The following CRPPA variants were observed in gnomAD, a reference collection of about 807,000 sequenced individuals.
CRPPA encodes the protein CDP-L-ribitol pyrophosphorylase A.
A neutral mutation model predicts 52.0 loss-of-function variants in CRPPA; 43 were observed. That is an observed-to-expected ratio of 0.83 (90% confidence interval 0.65 to 1.07). The LOEUF is 1.07. CRPPA is among the 50% of genes least tolerant of loss of function. CRPPA has a pLI of 0.00. For missense variants in CRPPA, 629 were observed against 551.7 expected (o/e 1.14, Z -1.40); for synonymous variants, 250 against 203.5 (o/e 1.23, Z -1.94).
chr7:16,343,544 T>C (rs2526600), intron 3 of CRPPA, among the ~76,000 whole-genome samples: 55,004 of 151,992 alleles, frequency 0.36, 10,185 homozygotes, highest in Admixed American at 0.44. Flanking sequence ...TTTTAGTTGA[T>C]CTGACTCAGT....
At chr7:16,184,857 T>C (rs1440233529) in intron 9 of CRPPA, among the ~76,000 whole-genome samples, 1 of 152,200 alleles carries the variant, frequency 6.6e-6, no homozygotes, top group Non-Finnish European at 1.5e-5. Context: ...TAATCGTCGT[T>C]AGTGATTTTT....
intron 9 of CRPPA, among the ~76,000 whole-genome samples, chr7:16,106,283 A>T (rs1346644041): frequency 6.6e-6 from 1 of 152,168 alleles, no homozygotes; most frequent in Non-Finnish European, 1.5e-5. Context: ...TCAACCACGC[A>T]TTTCTAAAGA....
intron 6 of CRPPA, among the ~76,000 whole-genome samples, chr7:16,263,685 G>C (rs1258659819): frequency 6.6e-6 from 1 of 152,038 alleles, no homozygotes; most frequent in African/African-American, 2.4e-5. Context: ...CTGGGAGGCA[G>C]AGGTTGCAGT....
At chr7:16,219,041 A>G (rs1000532533) in intron 8 of CRPPA, among the ~76,000 whole-genome samples, 4 of 152,222 alleles carry the variant, frequency 2.6e-5, no homozygotes, top group Non-Finnish European at 4.4e-5. Context: ...CATACTTGGA[A>G]GTAAGGCTCT....
intron 3 of CRPPA, among the ~76,000 whole-genome samples, chr7:16,349,957 G>C (rs1027410083): frequency 1.3e-5 from 2 of 152,056 alleles, no homozygotes; most frequent in African/African-American, 4.8e-5. Context: ...AGAAATATCA[G>C]AATCAGATGG....
chr7:16,297,813 C>T (rs1199289340), intron 5 of CRPPA, among the ~76,000 whole-genome samples: 2 of 152,196 alleles, frequency 1.3e-5, no homozygotes, highest in African/African-American at 2.4e-5. Context: ...TGTACTGGAA[C>T]TCTACCACTG....
At position 16,278,797 on chromosome 7, in the gene CRPPA, C is replaced by T. The variant is rs947113600; in HGVS notation, c.836-571G>A. 5.3e-5 allele frequency among the ~76,000 whole-genome samples: 8 copies of T among 152,100 alleles called. No homozygotes were observed. The East Asian group carries it at 1.2e-3, about 22-fold the overall frequency. On this transcript the variant is annotated intron_variant, in intron 5 of 9. Coordinates refer to ENST00000407010, the MANE Select transcript of CRPPA (RefSeq NM_001101426.4). The stretch of plus-strand genomic sequence containing the variant: ...CACATCTGGAAGACTTGAGATGGTC[C>T]GATTTAAAATTTATAAACTATGTAA...
chr7:16,172,154 T>C (rs1265113038), intron 9 of CRPPA, among the ~76,000 whole-genome samples: 2 of 152,210 alleles, frequency 1.3e-5, no homozygotes, highest in Admixed American at 1.3e-4. Context: ...CTTTCCCGAT[T>C]ACTTGCCCAC....
chr7:16,274,998 C>T (rs922673828), intron 6 of CRPPA, among the ~76,000 whole-genome samples: 1 of 152,006 alleles, frequency 6.6e-6, no homozygotes, highest in Non-Finnish European at 1.5e-5. Flanking sequence ...ATCATTTGAA[C>T]CTGGGAGGCG....
intron 9 of CRPPA, among the ~76,000 whole-genome samples, chr7:16,173,889 A>G (rs1781242377): frequency 6.6e-6 from 1 of 152,212 alleles, no homozygotes; most frequent in East Asian, 1.9e-4. Flanking sequence ...GTATTTGTTT[A>G]AAAACACTGA....
At chr7:16,152,460 GAC>G (rs1323508851) in intron 9 of CRPPA, among the ~76,000 whole-genome samples, 1 of 151,910 alleles carries the variant, frequency 6.6e-6, no homozygotes, top group Non-Finnish European at 1.5e-5. Flanking sequence ...ACTTCTGTTG[GAC>G]GAATACTTAA....
At chr7:16,400,275 CTG>C (rs1453489197) in intron 2 of CRPPA, among the ~76,000 whole-genome samples, 3 of 152,222 alleles carry the variant, frequency 2.0e-5, no homozygotes, top group African/African-American at 4.8e-5. Flanking sequence ...ACGTGATTAC[CTG>C]TGTGACATGA....
chr7:16,384,192 G>T (rs900543303), intron 2 of CRPPA, among the ~76,000 whole-genome samples: 15 of 152,140 alleles, frequency 9.9e-5, no homozygotes, highest in Admixed American at 9.8e-4. Context: ...GGTTGATGTG[G>T]TGATTTTTCA....
intron 8 of CRPPA, among the ~76,000 whole-genome samples, chr7:16,231,436 A>G (rs1782793383): frequency 6.6e-6 from 1 of 152,166 alleles, no homozygotes; most frequent in Admixed American, 6.5e-5. Context: ...GTTAATGGAA[A>G]GGGCTTGTCT....
At chr7:16,335,460 A>G (rs944594172) in intron 3 of CRPPA, among the ~76,000 whole-genome samples, 1 of 152,220 alleles carries the variant, frequency 6.6e-6, no homozygotes, top group Non-Finnish European at 1.5e-5. Context: ...ACAAAGAAAT[A>G]GAAACAAAAT....
intron 3 of CRPPA, among the ~76,000 whole-genome samples, chr7:16,313,159 A>C (rs1397979670): frequency 6.6e-6 from 1 of 151,938 alleles, no homozygotes. Flanking sequence ...TTTCTTCCTT[A>C]AAAGTTTGGT....
intron 6 of CRPPA, among the ~76,000 whole-genome samples, chr7:16,275,110 G>A (rs1444548335): frequency 6.6e-6 from 1 of 151,980 alleles, no homozygotes; most frequent in Non-Finnish European, 1.5e-5. Context: ...GGATAAATTG[G>A]CAGCACATAT....
At chr7:16,413,519 T>C (rs528280363) in intron 1 of CRPPA, among the ~76,000 whole-genome samples, 1 of 152,350 alleles carries the variant, frequency 6.6e-6, no homozygotes, top group African/African-American at 2.4e-5. Flanking sequence ...CACTAAGAGC[T>C]ATCAACACTA....
intron 2 of CRPPA, among the ~76,000 whole-genome samples, chr7:16,395,100 C>T (rs1787536803): frequency 6.6e-6 from 1 of 152,160 alleles, no homozygotes; most frequent in African/African-American, 2.4e-5. Context: ...TTGTAGGAGG[C>T]ATCATTCCTG....
Sources: allele counts gnomAD v4.1 joint callset (sites outside exome capture counted in the v4.1 genomes callset), GRCh38; gene constraint gnomAD v4.1.1; transcripts MANE v1.5; gene names NCBI Gene and HGNC (gene_info 2026-07-23, HGNC 2026-07-21).